RGS7: variants seen among roughly 807,000 people sequenced by gnomAD.
RGS7 encodes regulator of G protein signaling 7.
A neutral mutation model predicts 81.1 loss-of-function variants in RGS7; 27 were observed. The observed-to-expected ratio is 0.33, with a 90% CI of 0.25 to 0.46. The LOEUF is 0.46. RGS7 is among the 20% of genes least tolerant of loss of function. The pLI is 1.00. For synonymous variants in RGS7, 208 were observed against 207.7 expected (o/e 1.00, Z -0.01); for missense variants, 396 against 607.4 (o/e 0.65, Z 3.66).
chr1:241,246,588 C>T (rs1056482565), intron 2 of RGS7, among the ~76,000 whole-genome samples: 2 of 152,110 alleles, frequency 1.3e-5, no homozygotes, highest in Non-Finnish European at 2.9e-5. Flanking sequence ...TTAGAGGAAG[C>T]ATGGCTCTGG....
intron 3 of RGS7, among the ~76,000 whole-genome samples, chr1:241,000,431 T>C (rs1687955696): frequency 6.6e-6 from 1 of 152,332 alleles, no homozygotes. Context: ...CCAGGTTGTG[T>C]ATTAATTATC....
intron 2 of RGS7, among the ~76,000 whole-genome samples, chr1:241,143,394 GTTCCA>G (rs1329287357): frequency 6.6e-6 from 1 of 152,212 alleles, no homozygotes; most frequent in Non-Finnish European, 1.5e-5. Context: ...TGGACTTGCA[GTTCCA>G]TGTGGCTAGG....
At chr1:240,796,443 T>G (rs892359388) in intron 18 of RGS7, among the ~76,000 whole-genome samples, 2 of 152,164 alleles carry the variant, frequency 1.3e-5, no homozygotes, top group Non-Finnish European at 2.9e-5. Context: ...CCCAGTAGTT[T>G]GGGAAGCTGA....
intron 2 of RGS7, among the ~76,000 whole-genome samples, chr1:241,198,027 T>G (rs1015049934): frequency 6.6e-6 from 1 of 151,936 alleles, no homozygotes; most frequent in Non-Finnish European, 1.5e-5. Flanking sequence ...TTTTCCAACC[T>G]AAATGGAGTT....
chr1:240,956,046 C>G (rs548381473), intron 4 of RGS7, among the ~76,000 whole-genome samples: 1 of 152,270 alleles, frequency 6.6e-6, no homozygotes, highest in South Asian at 2.1e-4. Context: ...AGAGATAGCA[C>G]TAAAATTTAG....
intron 3 of RGS7, among the ~76,000 whole-genome samples, chr1:241,015,827 A>C (rs1314721870): frequency 6.6e-6 from 1 of 152,224 alleles, no homozygotes; most frequent in Non-Finnish European, 1.5e-5. Context: ...CTATTATAAG[A>C]ATCAAGTCAG....
intron 6 of RGS7, among the ~76,000 whole-genome samples, chr1:240,896,408 T>C (rs996851432): frequency 6.6e-6 from 1 of 152,244 alleles, no homozygotes; most frequent in Non-Finnish European, 1.5e-5. Context: ...AGGGTTTGTA[T>C]GGTTTTAGGT....
intron 2 of RGS7, among the ~76,000 whole-genome samples, chr1:241,154,168 A>G (rs2068950812): frequency 6.6e-6 from 1 of 152,212 alleles, no homozygotes; most frequent in Non-Finnish European, 1.5e-5. Flanking sequence ...GATACTGATT[A>G]GTGCCATGAA....
rs61832564 is a variant in RGS7, at chr1:241,271,290, G to A, written c.78+84409C>T. On this transcript the variant is annotated intron_variant, in intron 2 of 18. Transcript: ENST00000440928. This position sits in a 1 kb window ranked among gnomAD's most constrained non-coding sequence, Gnocchi z 4.6. ...CTCCAAGTTTCCTGACATACTTGAC[G>A]GGGGAGACTGGTGTCACATGAGGAC... Among the ~76,000 whole-genome samples, 15,274 of 152,134 alleles carry A rather than the reference G, an allele frequency of 0.1. 1,053 individuals are homozygous for A. The highest frequency in any genetic ancestry group is 0.31 in the East Asian group (1,585 of 5,162).
intron 4 of RGS7, among the ~76,000 whole-genome samples, chr1:240,969,636 A>G (rs944720632): frequency 1.5e-4 from 23 of 152,248 alleles, no homozygotes; most frequent in African/African-American, 5.5e-4. Context: ...AACCAATCAG[A>G]TAAAAATGAG....
chr1:241,222,849 G>A (rs979659069), intron 2 of RGS7, among the ~76,000 whole-genome samples: 5 of 135,390 alleles, frequency 3.7e-5, no homozygotes, highest in Non-Finnish European at 7.7e-5. Flanking sequence ...GGTGTGTGAT[G>A]TTCCCCTCCC....
chr1:240,850,231 TG>T (rs1659861545), intron 9 of RGS7, among the ~76,000 whole-genome samples: 1 of 152,250 alleles, frequency 6.6e-6, no homozygotes, highest in African/African-American at 2.4e-5. Flanking sequence ...GTGACAACCC[TG>T]TGTCCAGCAA....
chr1:241,345,935 G>GA (rs11459172), intron 2 of RGS7, among the ~76,000 whole-genome samples: 149,832 of 152,112 alleles, frequency 0.99, 73,831 homozygotes, highest in East Asian at 1. Flanking sequence ...AGAATCACTT[G>GA]ACCCAGGAGG....
At chr1:240,919,632 G>T in intron 6 of RGS7, 2 of 387,858 alleles carry the variant, frequency 5.2e-6, no homozygotes, top group East Asian at 9.6e-5. Context: ...CAAATGAAAA[G>T]TCTCTCTTCT....
chr1:241,194,545 CT>C (rs1268699965), intron 2 of RGS7, among the ~76,000 whole-genome samples: 1 of 152,162 alleles, frequency 6.6e-6, no homozygotes, highest in East Asian at 1.9e-4. Flanking sequence ...AGTAAAGCCA[CT>C]GACTTTCAGA....
At chr1:241,044,347 T>G (rs2060795852) in intron 3 of RGS7, among the ~76,000 whole-genome samples, 1 of 152,142 alleles carries the variant, frequency 6.6e-6, no homozygotes, top group African/African-American at 2.4e-5. Flanking sequence ...CGACCTCAAG[T>G]GATCTGCCCG....
intron 5 of RGS7, among the ~76,000 whole-genome samples, chr1:240,935,938 T>A (rs1435452869): frequency 6.6e-6 from 1 of 152,220 alleles, no homozygotes. Flanking sequence ...AGCCATAATG[T>A]CTACTGAAAT....
At chr1:240,927,274 C>T (rs568551495) in intron 6 of RGS7, among the ~76,000 whole-genome samples, 1 of 152,242 alleles carries the variant, frequency 6.6e-6, no homozygotes, top group African/African-American at 2.4e-5. Flanking sequence ...ACCATGTTGG[C>T]CAGGATGGTC....
chr1:240,948,711 G>A (rs970642967), intron 4 of RGS7, among the ~76,000 whole-genome samples: 2 of 151,930 alleles, frequency 1.3e-5, no homozygotes, highest in Non-Finnish European at 2.9e-5. Flanking sequence ...CCAAAGTGCT[G>A]GGATTACAGG....
Sources: allele counts gnomAD v4.1 joint callset (sites outside exome capture counted in the v4.1 genomes callset), GRCh38; gene constraint gnomAD v4.1.1; non-coding constraint Gnocchi (gnomAD v3.1); transcripts MANE v1.5; gene names NCBI Gene and HGNC (gene_info 2026-07-23, HGNC 2026-07-21).